The following ACSS1 variants were observed in gnomAD, a reference collection of about 807,000 sequenced individuals.
ACSS1 encodes the protein acyl-CoA synthetase short chain family member 1.
In ACSS1, 42 loss-of-function variants were observed where a neutral mutation model predicts 75.3. The observed-to-expected ratio is 0.56, with a 90% CI of 0.44 to 0.72. The LOEUF (loss-of-function observed/expected upper bound fraction) is 0.72. Among genes scored for constraint, ACSS1 ranks in the 30% least tolerant of loss-of-function variants. ACSS1 has a pLI of 0.00. For synonymous variants in ACSS1, 380 were observed against 376.8 expected (o/e 1.01, Z -0.10); for missense variants, 782 against 935.7 (o/e 0.84, Z 2.14).
chr20:25,019,874 A>G, intron 7 of ACSS1, 136 bp downstream of exon 7: 1 of 1,306,442 alleles, frequency 7.7e-7, no homozygotes, highest in Non-Finnish European at 1.0e-6. Flanking sequence ...GCTTTCTACC[A>G]GATCCGGTCT....
intron 1 of ACSS1, among the ~76,000 whole-genome samples, chr20:25,052,055 T>G (rs1221122425): frequency 6.6e-6 from 1 of 152,114 alleles, no homozygotes; most frequent in East Asian, 1.9e-4. Context: ...CATGTGGGGT[T>G]TGGGGGACAG....
At position 25,023,502 on chromosome 20, in the gene ACSS1, C is replaced by T. The variant is rs1234855695; in HGVS notation, c.771G>A (p.Lys257=). 1 of 1,614,026 alleles carries T rather than the reference C, an allele frequency of 6.2e-7. No individual in the cohort carries two copies. Among genetic ancestry groups the T allele is most frequent in the African/African-American group, 1.3e-5 (1 of 74,908 alleles). ...GGACGTCCAGATCCCCCATGTGGAC[C>T]TTGTTGTCTGTCCTGTGAGCCACCA... ...HVLVAHRTDN[K]VHMGDLDVPL... Residue 257 remains lysine (K), a synonymous_variant, in exon 4 of 14, where the codon AAG becomes AAA. Transcript: ENST00000323482.
Position 25,022,996 on chromosome 20 carries a change from T to C in ACSS1, c.904A>G (p.Lys302Glu), listed in dbSNP as rs1241493290. ...CCTGCCTGGGTATGGACGATGCCCTTGGGCATTCCGGTGCTCCCTGAGGTG... is the reference window on the plus strand; with the variant it reads ...CCTGCCTGGGTATGGACGATGCCCTCGGGCATTCCGGTGCTCCCTGAGGTG... ...LYTSGSTGMP[K>E]GIVHTQAGYL... The change falls in exon 5 of 14, where the codon AAG (lysine) becomes GAG (glutamate). Residue 302 changes from lysine to glutamate, a missense_variant. Coordinates refer to ENST00000323482, the MANE Select transcript of ACSS1 (RefSeq NM_032501.4). 3 of 1,614,008 alleles carry C rather than the reference T, an allele frequency of 1.9e-6. No homozygotes were observed. The highest frequency in any genetic ancestry group is 3.3e-4 in the Middle Eastern group (2 of 6,082).
chr20:25,047,494 C>T (rs536824056), intron 2 of ACSS1, among the ~76,000 whole-genome samples: 93 of 152,328 alleles, frequency 6.1e-4, no homozygotes, highest in African/African-American at 2.2e-3. Context: ...GACACGAAGG[C>T]ACCCAGTGAA....
At position 25,007,488 on chromosome 20, in the gene ACSS1, T is replaced by C. The variant is rs548352056; in HGVS notation, c.*274A>G. 1.2e-5 allele frequency: 16 copies of C among 1,287,740 alleles called. No homozygotes were observed. Among genetic ancestry groups the C allele is most frequent in the East Asian group, 3.4e-5 (1 of 29,626 alleles). 79.8% of individuals were successfully genotyped at this position (1,287,740 alleles called of 1,614,324 possible). Reference sequence around the variant, plus strand: ...GCTCAAGAGGGCAGAGGAATGGAGATGGCAATGCCTTTTCATTCCAGGAAA... The same window carrying C: ...GCTCAAGAGGGCAGAGGAATGGAGACGGCAATGCCTTTTCATTCCAGGAAA... On this transcript the variant is annotated 3_prime_UTR_variant, in exon 14 of 14. Transcript: ENST00000323482.
Position 25,009,254 on chromosome 20 carries a change from T to G in ACSS1, c.1890+16A>C, listed in dbSNP as rs1438660333. ...GAACAGCAGCACAGCCCCATCTTTG[T>G]GGGAGGCCCACTCACCAGGATCTCA... On this transcript the variant is annotated intron_variant, in intron 13 of 13. Transcript: ENST00000323482. 2.5e-6 allele frequency: 4 copies of G among 1,580,228 alleles called. No homozygotes were observed. The South Asian group carries it at 4.4e-5, about 17-fold the overall frequency.
chr20:25,039,327 A>G (rs960542130), intron 2 of ACSS1, among the ~76,000 whole-genome samples: 5 of 152,190 alleles, frequency 3.3e-5, no homozygotes, highest in African/African-American at 1.2e-4. Flanking sequence ...AACCACTCCT[A>G]TTGCAAAGGC....
chr20:25,019,800 T>C (rs2088585170), intron 7 of ACSS1, among the ~76,000 whole-genome samples: 2 of 152,262 alleles, frequency 1.3e-5, no homozygotes, highest in Middle Eastern at 3.2e-3. Context: ...TGGAACGTTG[T>C]TCCCCAGACA....
At position 25,006,780 on chromosome 20, in the gene ACSS1, A is replaced by G; in HGVS notation, c.*982T>C. On this transcript the variant is annotated 3_prime_UTR_variant, in exon 14 of 14. Coordinates refer to ENST00000323482, the MANE Select transcript of ACSS1 (RefSeq NM_032501.4). ...TGGATCCAGACCTCCAAGTCTCATC[A>G]TTGGACCTCAGTGGTTCTCACCGCC... The G allele has an allele frequency of 6.7e-7, 1 of 1,499,656 alleles. No homozygotes were observed. Among genetic ancestry groups the G allele is most frequent in the South Asian group, 1.2e-5 (1 of 82,932 alleles). 92.9% of individuals were successfully genotyped at this position (1,499,656 alleles called of 1,614,324 possible).
In ACSS1 at chr20:25,041,207, G is replaced by A. The variant is rs776828316; in HGVS notation, c.431+6878C>T. On this transcript the variant is annotated intron_variant, in intron 2 of 13. Coordinates refer to ENST00000323482, the MANE Select transcript of ACSS1 (RefSeq NM_032501.4). Reference sequence around the variant, plus strand: ...CAGGAGGCGGAGCTTTCAGTGAGCCGAGATTGCGCCACTGTACTCCAGCCT... The same window carrying A: ...CAGGAGGCGGAGCTTTCAGTGAGCCAAGATTGCGCCACTGTACTCCAGCCT... Among the ~76,000 whole-genome samples, 6 of 150,592 alleles carry A rather than the reference G, an allele frequency of 4.0e-5. No individual in the cohort carries two copies. The East Asian group carries it at 5.9e-4, about 15-fold the overall frequency.
chr20:25,015,003 G>A, intron 8 of ACSS1, 135 bp downstream of exon 8: 1 of 671,280 alleles, frequency 1.5e-6, no homozygotes, highest in Non-Finnish European at 2.3e-6. Context: ...CTAGGCTCCA[G>A]GGTTTCCGCA....
intron 1 of ACSS1, among the ~76,000 whole-genome samples, chr20:25,055,076 T>C (rs2089223660): frequency 6.6e-6 from 1 of 152,348 alleles, no homozygotes; most frequent in African/African-American, 2.4e-5. Context: ...ATTCCTTCTG[T>C]TTTATGGAAT....
rs78431455 is a variant in ACSS1 at position 25,025,782 on chromosome 20, A to T, written c.632-2141T>A. Among the ~76,000 whole-genome samples the T allele has an allele frequency of 6.7e-3, 1,013 of 152,260 alleles. 14 individuals carry two copies. The highest frequency in any genetic ancestry group is 0.023 in the African/African-American group (957 of 41,538). On this transcript the variant is annotated intron_variant, in intron 3 of 13. Coordinates refer to ENST00000323482, the MANE Select transcript of ACSS1 (RefSeq NM_032501.4). ...GCCCTGTTTATCTTCAAAGCCAGCA[A>T]CGGCGGGTAAAGTTGCTTTGAATCT... is the stretch of plus-strand genomic sequence containing the variant.
chr20:25,013,474 T>C (rs2088453575), intron 10 of ACSS1, 62 bp downstream of exon 10: 1 of 1,532,416 alleles, frequency 6.5e-7, no homozygotes, highest in African/African-American at 1.4e-5. Context: ...AAATGTTTTC[T>C]GAGAATAAGA....
chr20:25,049,761 G>C (rs1200806150), intron 1 of ACSS1, among the ~76,000 whole-genome samples: 1 of 152,072 alleles, frequency 6.6e-6, no homozygotes. Flanking sequence ...GAGAAGTTAA[G>C]CTGCCTGGCC....
chr20:25,056,649 G>A (rs948678339), intron 1 of ACSS1, among the ~76,000 whole-genome samples: 1 of 152,174 alleles, frequency 6.6e-6, no homozygotes, highest in Admixed American at 6.5e-5. Flanking sequence ...CTCACAATGA[G>A]GAGACTGAGG....
chr20:25,007,187 A>G lies in ACSS1; in HGVS notation c.*575T>C, dbSNP rs1335209453. The G allele has an allele frequency of 4.0e-6, 5 of 1,249,470 alleles. No homozygotes were observed. The African/African-American group carries it at 4.5e-5, about 11-fold the overall frequency. The allele number at this position is 1,249,470 out of a possible 1,614,324, so 77.4% of individuals were successfully genotyped here. On this transcript the variant is annotated 3_prime_UTR_variant, in exon 14 of 14. Coordinates refer to ENST00000323482, the MANE Select transcript of ACSS1 (RefSeq NM_032501.4). Reference sequence around the variant, plus strand: ...ATTCAGACTTCCAAATACACTAACAATAATTAAAAATGTGGCCTCTGATCC... The same window carrying G: ...ATTCAGACTTCCAAATACACTAACAGTAATTAAAAATGTGGCCTCTGATCC...
At chr20:25,015,111 C>T (rs772459995) in intron 8 of ACSS1, 27 bp downstream of exon 8, 12 of 1,590,486 alleles carry the variant, frequency 7.5e-6, no homozygotes, top group African/African-American at 5.4e-5. Flanking sequence ...GCACTTAGAC[C>T]GGAACCTGTT....
chr20:25,023,703 T>G, intron 3 of ACSS1, 62 bp from the exon 4 acceptor site: 6 of 1,459,896 alleles, frequency 4.1e-6, no homozygotes, highest in Non-Finnish European at 5.5e-6. Flanking sequence ...CTCATAGCTC[T>G]GACTCACATA....
Sources: allele counts gnomAD v4.1 joint callset (sites outside exome capture counted in the v4.1 genomes callset), GRCh38; gene constraint gnomAD v4.1.1; transcripts MANE v1.5; gene names NCBI Gene and HGNC (gene_info 2026-07-23, HGNC 2026-07-21).